The following PLCL2 variants were observed in gnomAD, a reference collection of about 807,000 sequenced individuals.
The protein encoded by PLCL2 is inactive phospholipase C-like protein 2.
PLCL2 carries 4 observed loss-of-function variants against 79.6 expected under a neutral mutation model. That is an observed-to-expected ratio of 0.05 (90% CI 0.02 to 0.11). The LOEUF is 0.11. PLCL2 is among the 10% of genes least tolerant of loss of function. The pLI, the probability that PLCL2 is intolerant of heterozygous loss-of-function variation, is 1.00. For missense variants in PLCL2, 895 were observed against 1,291.0 expected, an observed-to-expected ratio of 0.69 and a Z score of 4.70; for synonymous variants, 484 against 457.7, an observed-to-expected ratio of 1.06 and a Z score of -0.73.
chr3:17,022,788 T>C (rs1332177032), intron 3 of PLCL2, among the ~76,000 whole-genome samples: 2 of 152,212 alleles, frequency 1.3e-5, no homozygotes, highest in Admixed American at 1.3e-4. Flanking sequence ...GAGTTTGAGT[T>C]CAAGCTTCAT....
intron 1 of PLCL2, among the ~76,000 whole-genome samples, chr3:16,958,606 G>A (rs912407805): frequency 3.9e-5 from 6 of 152,112 alleles, no homozygotes; most frequent in African/African-American, 1.2e-4. Flanking sequence ...AAAACTAATG[G>A]ACCAATTTAA....
chr3:16,925,438 G>T (rs1389179586), intron 1 of PLCL2, among the ~76,000 whole-genome samples: 1 of 151,850 alleles, frequency 6.6e-6, no homozygotes, highest in East Asian at 1.9e-4. Flanking sequence ...TTTTTTAAGG[G>T]CATACAATCC....
chr3:17,078,013 C>G (rs535948668), intron 5 of PLCL2, among the ~76,000 whole-genome samples: 1 of 152,306 alleles, frequency 6.6e-6, no homozygotes, highest in South Asian at 2.1e-4. Context: ...TTGGTCTGTT[C>G]TTTACCATAT....
intron 1 of PLCL2, among the ~76,000 whole-genome samples, chr3:16,982,595 C>T (rs527962898): frequency 6.6e-6 from 1 of 152,130 alleles, no homozygotes; most frequent in Non-Finnish European, 1.5e-5. Flanking sequence ...CCTGGGCCTG[C>T]CTGATTTGAT....
chr3:17,026,778 G>A (rs376107405), intron 3 of PLCL2, among the ~76,000 whole-genome samples: 1 of 151,874 alleles, frequency 6.6e-6, no homozygotes, highest in South Asian at 2.1e-4. Context: ...GAGGTGGGAG[G>A]ATCACTTGAA....
chr3:17,025,312 G>A (rs1174367802), intron 3 of PLCL2, among the ~76,000 whole-genome samples: 1 of 152,084 alleles, frequency 6.6e-6, no homozygotes, highest in Non-Finnish European at 1.5e-5. Context: ...AGTTTAGAGA[G>A]GTATATACTT....
At chr3:16,923,015 C>G (rs935034296) in intron 1 of PLCL2, among the ~76,000 whole-genome samples, 47 of 152,160 alleles carry the variant, frequency 3.1e-4, no homozygotes, top group Non-Finnish European at 2.9e-5. Context: ...ATAGCAACCT[C>G]TTTCTAAGAA....
intron 5 of PLCL2, among the ~76,000 whole-genome samples, chr3:17,077,383 C>T (rs2065118495): frequency 6.6e-6 from 1 of 152,232 alleles, no homozygotes; most frequent in Non-Finnish European, 1.5e-5. Flanking sequence ...TGAGATAGAA[C>T]TTTCAGGACT....
intron 1 of PLCL2, among the ~76,000 whole-genome samples, chr3:16,898,427 G>A (rs1696536396): frequency 6.6e-6 from 1 of 152,032 alleles, no homozygotes. Flanking sequence ...AAAAAGTATT[G>A]TTGAAAAAGA....
At chr3:16,948,627 A>G (rs7630953) in intron 1 of PLCL2, among the ~76,000 whole-genome samples, 5,054 of 152,292 alleles carry the variant, frequency 0.033, 274 homozygotes, top group African/African-American at 0.11. Context: ...GGTACAGAGC[A>G]TGGTCAGTGA....
chr3:17,049,642 T>A (rs2064818282), intron 4 of PLCL2, among the ~76,000 whole-genome samples: 1 of 151,972 alleles, frequency 6.6e-6, no homozygotes, highest in Non-Finnish European at 1.5e-5. Context: ...TCTCTATTAA[T>A]GAAAACTATA....
chr3:16,952,571 A>C (rs1369769536), intron 1 of PLCL2, among the ~76,000 whole-genome samples: 1 of 151,914 alleles, frequency 6.6e-6, no homozygotes, highest in Non-Finnish European at 1.5e-5. Flanking sequence ...AGAATATTTA[A>C]GATTATGGGG....
At chr3:16,993,249 C>T (rs1402220044) in intron 1 of PLCL2, among the ~76,000 whole-genome samples, 1 of 152,198 alleles carries the variant, frequency 6.6e-6, no homozygotes, top group African/African-American at 2.4e-5. Flanking sequence ...TTTATTGATA[C>T]CCACATTCAC....
intron 1 of PLCL2, among the ~76,000 whole-genome samples, chr3:16,956,256 C>A (rs1194971647): frequency 3.9e-5 from 6 of 152,150 alleles, no homozygotes; most frequent in Non-Finnish European, 8.8e-5. Context: ...TGAATTTTGT[C>A]AAAGGCCTTT....
chr3:17,010,041 T>A lies in PLCL2; in HGVS notation c.695T>A (p.Val232Asp). The A allele has an allele frequency of 6.2e-7, 1 of 1,613,044 alleles. No individual in the cohort carries two copies. Among genetic ancestry groups the A allele is most frequent in the Non-Finnish European group, 8.5e-7 (1 of 1,179,014 alleles). ...YGENYESLDL[V>D]ANSADVANIW... ...GAGAATTATGAGTCACTGGATTTGG[T>A]TGCCAACTCCGCAGATGTTGCAAAC... Residue 232 changes from valine to aspartate, a missense_variant, in exon 2 of 6, where the codon GTT becomes GAT. This residue lies in a region of PLCL2 where 129 missense variants were observed against 208.8 expected (regional missense o/e 0.62). Transcript: ENST00000615277. This position sits in a 1 kb window ranked among gnomAD's most constrained non-coding sequence, Gnocchi z 5.8.
intron 5 of PLCL2, among the ~76,000 whole-genome samples, chr3:17,080,244 C>CATCA (rs1319366487): frequency 6.6e-6 from 1 of 152,138 alleles, no homozygotes; most frequent in Non-Finnish European, 1.5e-5. Context: ...GTTTAGGTGA[C>CATCA]TGATGATTAG....
intron 5 of PLCL2, among the ~76,000 whole-genome samples, chr3:17,084,992 T>C (rs908848730): frequency 6.6e-6 from 1 of 152,122 alleles, no homozygotes; most frequent in African/African-American, 2.4e-5. Context: ...AATAAAACTG[T>C]CTCTGTTCAC....
At chr3:16,966,205 T>C (rs1040661956) in intron 1 of PLCL2, among the ~76,000 whole-genome samples, 3 of 138,104 alleles carry the variant, frequency 2.2e-5, no homozygotes, top group African/African-American at 8.0e-5. Flanking sequence ...AATACTGAAC[T>C]TATTGAGAGT....
chr3:17,002,453 GAA>G (rs1352120710), intron 1 of PLCL2, among the ~76,000 whole-genome samples: 11 of 152,096 alleles, frequency 7.2e-5, no homozygotes, highest in African/African-American at 2.7e-4. Flanking sequence ...GATCTTAGAG[GAA>G]AGACTTTGAA....
Sources: allele counts gnomAD v4.1 joint callset (sites outside exome capture counted in the v4.1 genomes callset), GRCh38; gene constraint gnomAD v4.1.1; regional missense constraint gnomAD v4.1.1; non-coding constraint Gnocchi (gnomAD v3.1); transcripts MANE v1.5; gene names NCBI Gene and HGNC (gene_info 2026-07-23, HGNC 2026-07-21).